The following CDYL variants were observed in gnomAD, a reference collection of about 807,000 sequenced individuals.
The protein encoded by CDYL is chromodomain Y like, also known as chromodomain Y-like protein.
CDYL carries 8 observed loss-of-function variants against 47.3 expected under a neutral mutation model. The observed-to-expected ratio is 0.17, with a 90% confidence interval of 0.10 to 0.31. The LOEUF is 0.31. Ranked by LOEUF, CDYL falls within the 10% of genes least tolerant of loss-of-function variation. CDYL has a pLI of 1.00. For missense variants in CDYL, 471 were observed against 701.4 expected (o/e 0.67, Z 3.71); for synonymous variants, 266 against 265.0 (o/e 1.00, Z -0.04).
intron 2 of CDYL, among the ~76,000 whole-genome samples, chr6:4,908,828 T>G (rs938360868): frequency 1.3e-5 from 2 of 152,184 alleles, no homozygotes; most frequent in Admixed American, 1.3e-4. Context: ...GCTGTGCCCC[T>G]TCATCCATAC....
intron 1 of CDYL, among the ~76,000 whole-genome samples, chr6:4,829,411 A>C (rs1760071251): frequency 6.6e-6 from 1 of 152,222 alleles, no homozygotes; most frequent in South Asian, 2.1e-4. Context: ...AAACAAAACA[A>C]AACAAAACAG....
At chr6:4,801,757 C>T (rs73362548) in intron 1 of CDYL, among the ~76,000 whole-genome samples, 6,905 of 152,206 alleles carry the variant, frequency 0.045, 529 homozygotes, top group African/African-American at 0.16. Flanking sequence ...GCTTTGAGCT[C>T]TGTACTCTGA....
chr6:4,919,930 C>G (rs1356859771), intron 2 of CDYL, among the ~76,000 whole-genome samples: 1 of 137,644 alleles, frequency 7.3e-6, no homozygotes, highest in Non-Finnish European at 1.6e-5. Context: ...TCATCAATAG[C>G]TAAAAGGTGG....
At chr6:4,759,456 A>G (rs1758135243) in intron 3 of CDYL, among the ~76,000 whole-genome samples, 1 of 152,202 alleles carries the variant, frequency 6.6e-6, no homozygotes, top group African/African-American at 2.4e-5. Context: ...ATTTTACTAT[A>G]CAGATATACC....
chr6:4,797,753 A>G (rs1490312321), intron 1 of CDYL, among the ~76,000 whole-genome samples: 2 of 152,218 alleles, frequency 1.3e-5, no homozygotes, highest in African/African-American at 4.8e-5. Flanking sequence ...TGCAGAATGT[A>G]TCGGTGACTC....
At chr6:4,841,035 A>G (rs1760474286) in intron 1 of CDYL, among the ~76,000 whole-genome samples, 1 of 152,050 alleles carries the variant, frequency 6.6e-6, no homozygotes, top group African/African-American at 2.4e-5. Flanking sequence ...TGAATCCATC[A>G]GGTCCTGGAC....
At chr6:4,843,560 C>T (rs1227358764) in intron 1 of CDYL, among the ~76,000 whole-genome samples, 10 of 143,410 alleles carry the variant, frequency 7.0e-5, no homozygotes, top group Admixed American at 2.1e-4. Context: ...TGGGTTAATT[C>T]GAAAGCCTTG....
chr6:4,921,274 T>C (rs528544117), intron 2 of CDYL, among the ~76,000 whole-genome samples: 2 of 152,248 alleles, frequency 1.3e-5, no homozygotes, highest in Admixed American at 1.3e-4. Flanking sequence ...CTAAGCCTCG[T>C]TTTCTCTCTC....
At chr6:4,757,710 G>T (rs1310133804) in intron 3 of CDYL, among the ~76,000 whole-genome samples, 4 of 152,176 alleles carry the variant, frequency 2.6e-5, no homozygotes, top group Non-Finnish European at 5.9e-5. Context: ...AACTTTTGAA[G>T]AAAAGGCATT....
At chr6:4,803,614 C>G (rs551372798) in intron 1 of CDYL, among the ~76,000 whole-genome samples, 14 of 152,242 alleles carry the variant, frequency 9.2e-5, no homozygotes, top group South Asian at 8.3e-4. Flanking sequence ...CTGACCTTGC[C>G]TGTCTGCGTG....
intron 1 of CDYL, among the ~76,000 whole-genome samples, chr6:4,853,796 C>G (rs1760922380): frequency 6.6e-6 from 1 of 152,262 alleles, no homozygotes; most frequent in Admixed American, 6.5e-5. Context: ...TGTCCCCACA[C>G]CTGCCCCAGC....
chr6:4,834,776 T>C, intron 1 of CDYL, among the ~76,000 whole-genome samples: 1 of 152,202 alleles, frequency 6.6e-6, no homozygotes, highest in East Asian at 1.9e-4. Flanking sequence ...TTCATTTCTT[T>C]TTATTTTTTT....
At chr6:4,754,706 G>A (rs1758049170) in intron 3 of CDYL, among the ~76,000 whole-genome samples, 1 of 152,078 alleles carries the variant, frequency 6.6e-6, no homozygotes, top group African/African-American at 2.4e-5. Context: ...ACTTTAATAT[G>A]CCTATTACAG....
intron 1 of CDYL, among the ~76,000 whole-genome samples, chr6:4,889,637 T>C (rs2127482723): frequency 6.6e-6 from 1 of 152,340 alleles, no homozygotes; most frequent in East Asian, 1.9e-4. Context: ...TTTTTGTCTT[T>C]GTTTAATGCC....
At chr6:4,737,537 C>T (rs1363349403) in intron 3 of CDYL, among the ~76,000 whole-genome samples, 25 of 151,534 alleles carry the variant, frequency 1.6e-4, no homozygotes, top group Non-Finnish European at 1.5e-5. Flanking sequence ...ATCCCAGCTA[C>T]TCAGGAGGCT....
chr6:4,917,142 C>T (rs1757581234), intron 2 of CDYL, among the ~76,000 whole-genome samples: 1 of 152,178 alleles, frequency 6.6e-6, no homozygotes, highest in African/African-American at 2.4e-5. Context: ...GTTATTCCTT[C>T]CTTATGGTTT....
At chr6:4,732,554 C>T (rs766764578) in intron 2 of CDYL, among the ~76,000 whole-genome samples, 1 of 151,572 alleles carries the variant, frequency 6.6e-6, no homozygotes, top group South Asian at 2.1e-4. Flanking sequence ...CATAGCTACT[C>T]AGGAGGCTGA....
rs1759281029 is a variant in CDYL, at chr6:4,803,419, T to TGCTGTCCCCATTCTCCTCC, written c.24+26613_24+26631dup. Among the ~76,000 whole-genome samples the TGCTGTCCCCATTCTCCTCC allele has an allele frequency of 2.0e-5, 3 of 152,216 alleles. No individual in the cohort carries two copies. In the East Asian group the frequency reaches 5.8e-4, roughly 29 times the overall value. On this transcript the variant is annotated intron_variant, in intron 1 of 6. Coordinates refer to ENST00000397588, the MANE Select transcript of CDYL (RefSeq NM_004824.4). The stretch of plus-strand genomic sequence containing the variant: ...GATTGGGCAATTTTTGCACCTCCTC[T>TGCTGTCCCCATTCTCCTCC]GCTGTCCCCATTCTCCTCCATCTGC...
In CDYL at chr6:4,739,355, T is replaced by C. The variant is rs529695699; in HGVS notation, c.186+4511T>C. On this transcript the variant is annotated intron_variant, in intron 3 of 8. Transcript: ENST00000328908. ...TAACATGGCAAAACCCTGTTTCTAC[T>C]AAAAATGCAAAAAATTAGCTGGGCA... Among the ~76,000 whole-genome samples, 5 of 151,074 alleles carry C rather than the reference T, an allele frequency of 3.3e-5. No individual in the cohort carries two copies. The South Asian group carries it at 1.0e-3, about 32-fold the overall frequency.
Sources: gnomAD v4.1 joint callset for allele counts (sites outside exome capture counted in the v4.1 genomes callset) on GRCh38, gnomAD v4.1.1 for gene constraint, MANE v1.5 for transcripts, NCBI Gene and HGNC (gene_info 2026-07-23, HGNC 2026-07-21) for gene names.